GALNT18: variants seen among roughly 807,000 people sequenced by gnomAD.
The protein encoded by GALNT18 is polypeptide N-acetylgalactosaminyltransferase 18.
GALNT18 carries 44 observed loss-of-function variants against 69.5 expected under a neutral mutation model. That is an observed-to-expected ratio of 0.63 (90% CI 0.50 to 0.81). GALNT18 has a LOEUF of 0.81. Among genes scored for constraint, GALNT18 ranks in the 40% least tolerant of loss-of-function variants. The pLI is 0.00. For missense variants in GALNT18, 715 were observed against 810.0 expected, an observed-to-expected ratio of 0.88 and a Z score of 1.42; for synonymous variants, 364 against 318.2, an observed-to-expected ratio of 1.14 and a Z score of -1.53.
chr11:11,341,034 G>C lies in GALNT18; in HGVS notation c.1093-30C>G. On this transcript the variant is annotated intron_variant, in intron 6 of 10. Coordinates refer to ENST00000227756, the MANE Select transcript of GALNT18 (RefSeq NM_198516.3). The surrounding 1 kb of genome is among the most constrained non-coding windows in gnomAD (Gnocchi z 6.3). ...AGAAGACATGGAGCCACTTGTCAGA[G>C]CCTGCCTGGCTCTGCCTTTCTACAC... The C allele has an allele frequency of 6.4e-7, 1 of 1,563,624 alleles. No homozygotes were observed.
At position 11,587,125 on chromosome 11, in the gene GALNT18, A is replaced by T. The variant is rs1211088523; in HGVS notation, c.235+34234T>A. ...CCCCAGTATCCAAACCTTCCCCAAG[A>T]GCCAGCCACAAAACAGTTACTGCCT... On this transcript the variant is annotated intron_variant, in intron 1 of 10. Transcript: ENST00000227756. This position sits in a 1 kb window ranked among gnomAD's most constrained non-coding sequence, Gnocchi z 4.4. Among the ~76,000 whole-genome samples the T allele has an allele frequency of 6.6e-6, 1 of 152,332 alleles. No homozygotes were observed. The highest frequency in any genetic ancestry group is 6.5e-5 in the Admixed American group (1 of 15,298).
At chr11:11,456,533 T>G (rs1855928567) in intron 1 of GALNT18, among the ~76,000 whole-genome samples, 2 of 152,220 alleles carry the variant, frequency 1.3e-5, no homozygotes, top group Admixed American at 1.3e-4. Context: ...CTTGGAATGC[T>G]CCAGTTCTTT....
At chr11:11,371,516 A>T (rs1850903598) in intron 6 of GALNT18, among the ~76,000 whole-genome samples, 1 of 152,190 alleles carries the variant, frequency 6.6e-6, no homozygotes, top group Non-Finnish European at 1.5e-5. Context: ...GAGGTGGAGC[A>T]TCTCAGATAA....
rs1849795974 is a variant in GALNT18, at chr11:11,318,781, G to T, written c.1512+8305C>A. 6.6e-6 allele frequency among the ~76,000 whole-genome samples: 1 copy of T among 152,270 alleles called. No homozygotes were observed. Among genetic ancestry groups the T allele is most frequent in the East Asian group, 1.9e-4 (1 of 5,186 alleles). On this transcript the variant is annotated intron_variant, in intron 9 of 10. Transcript: ENST00000227756. This position sits in a 1 kb window ranked among gnomAD's most constrained non-coding sequence, Gnocchi z 5.1. Reference sequence around the variant, plus strand: ...CCTAGAAATAAGGCAAAAACAAAGAGGGGAAGTGGCCTGTCCTTTTAATAT... The same window carrying T: ...CCTAGAAATAAGGCAAAAACAAAGATGGGAAGTGGCCTGTCCTTTTAATAT...
chr11:11,327,601 G>A (rs1445484850), intron 8 of GALNT18, among the ~76,000 whole-genome samples: 2 of 152,202 alleles, frequency 1.3e-5, no homozygotes, highest in African/African-American at 2.4e-5. Context: ...GGGACCAGAC[G>A]CTCTCTGCCT....
chr11:11,468,753 T>A (rs1166024945), intron 1 of GALNT18, among the ~76,000 whole-genome samples: 1 of 152,118 alleles, frequency 6.6e-6, no homozygotes, highest in African/African-American at 2.4e-5. Context: ...GGTCTACCAC[T>A]CCACTTCAAG....
intron 1 of GALNT18, among the ~76,000 whole-genome samples, chr11:11,499,586 TC>T (rs1251125201): frequency 1.3e-5 from 2 of 152,148 alleles, no homozygotes; most frequent in South Asian, 4.1e-4. Flanking sequence ...GCTATCTGTG[TC>T]CCCGTCCCCT....
intron 9 of GALNT18, among the ~76,000 whole-genome samples, chr11:11,300,813 A>G (rs1849481469): frequency 6.6e-6 from 1 of 152,336 alleles, no homozygotes. Context: ...TTTAAAACCT[A>G]TAAACCACAG....
chr11:11,420,975 C>A (rs1854992441), intron 3 of GALNT18, among the ~76,000 whole-genome samples: 1 of 152,102 alleles, frequency 6.6e-6, no homozygotes, highest in Admixed American at 6.5e-5. Context: ...GTCACCTTGG[C>A]TAGTCCGTAA....
rs941104183 is a variant in GALNT18, at chr11:11,596,316, A to T, written c.235+25043T>A. Among the ~76,000 whole-genome samples the T allele has an allele frequency of 6.6e-6, 1 of 152,178 alleles. No homozygotes were observed. The highest frequency in any genetic ancestry group is 2.4e-5 in the African/African-American group (1 of 41,452). On this transcript the variant is annotated intron_variant, in intron 1 of 10. Coordinates refer to ENST00000227756, the MANE Select transcript of GALNT18 (RefSeq NM_198516.3). The surrounding 1 kb of genome is among the most constrained non-coding windows in gnomAD (Gnocchi z 4.2). ...CACAGTACATTTTCAGATCAAAAAA[A>T]TGTGAGTTGTCCATTTTGTTTTTGT...
In GALNT18 at chr11:11,378,355, GC is replaced by G. The variant is rs1397148333; in HGVS notation, c.779+725del. The stretch of plus-strand genomic sequence containing the variant: ...AAAGGGTGGCCACCTACTTGCCCCA[GC>G]TACTTATGGTCATTGCCAGAGCCTG... On this transcript the variant is annotated intron_variant, in intron 4 of 10. Coordinates refer to ENST00000227756, the MANE Select transcript of GALNT18 (RefSeq NM_198516.3). 9.8e-5 allele frequency among the ~76,000 whole-genome samples: 15 copies of G among 152,304 alleles called. No homozygotes were observed. In the East Asian group the frequency reaches 2.3e-3, roughly 24 times the overall value.
intron 1 of GALNT18, among the ~76,000 whole-genome samples, chr11:11,479,373 T>G (rs187677781): frequency 2.0e-5 from 3 of 152,298 alleles, no homozygotes; most frequent in African/African-American, 4.8e-5. Context: ...ATAGAAAATA[T>G]AAGGCAGCCA....
intron 3 of GALNT18, among the ~76,000 whole-genome samples, chr11:11,398,053 C>A (rs1486785917): frequency 3.3e-5 from 5 of 152,182 alleles, no homozygotes; most frequent in Admixed American, 2.6e-4. Context: ...CTGAAGTGCT[C>A]CACACATTAT....
Position 11,621,564 on chromosome 11 carries a change from C to G in GALNT18, c.30G>C (p.Leu10Phe), listed in dbSNP as rs1590147503. The G allele has an allele frequency of 1.2e-6, 2 of 1,611,060 alleles. No homozygotes were observed. The highest frequency in any genetic ancestry group is 1.3e-5 in the African/African-American group (1 of 74,856). MVCTRKTKT[L>F]VSTCVILSGM... ...CGCTCAGGATCACGCAAGTGGACAC[C>G]AAAGTTTTGGTCTTCCTGGTGCACA... The change falls in exon 1 of 11, where the codon TTG becomes TTC. Residue 10 changes from leucine to phenylalanine, a missense_variant. Coordinates refer to ENST00000227756, the MANE Select transcript of GALNT18 (RefSeq NM_198516.3). This position sits in a 1 kb window ranked among gnomAD's most constrained non-coding sequence, Gnocchi z 9.3.
chr11:11,424,983 G>A, intron 3 of GALNT18, among the ~76,000 whole-genome samples: 1 of 152,130 alleles, frequency 6.6e-6, no homozygotes, highest in East Asian at 1.9e-4. Flanking sequence ...GGGAGGATGT[G>A]GTCTTCTGTG....
intron 9 of GALNT18, among the ~76,000 whole-genome samples, chr11:11,298,088 G>T (rs1394332883): frequency 2.0e-5 from 3 of 152,196 alleles, no homozygotes; most frequent in Non-Finnish European, 2.9e-5. Context: ...ACGTCCCCCA[G>T]GGCCGGAGGT....
chr11:11,403,763 AACT>A (rs1009682816), intron 3 of GALNT18, among the ~76,000 whole-genome samples: 9 of 152,260 alleles, frequency 5.9e-5, no homozygotes, highest in East Asian at 1.9e-4. Flanking sequence ...GAACTCTGCT[AACT>A]GCTGTGCCAA....
intron 3 of GALNT18, among the ~76,000 whole-genome samples, chr11:11,385,187 C>T (rs1378612637): frequency 1.3e-5 from 2 of 152,052 alleles, no homozygotes; most frequent in African/African-American, 2.4e-5. Context: ...AGAGGGAAAA[C>T]TCACTCATTC....
At position 11,621,670 on chromosome 11, in the gene GALNT18, C is replaced by A; in HGVS notation, c.-77G>T. 1.8e-6 allele frequency: 2 copies of A among 1,118,072 alleles called. No individual in the cohort carries two copies. Among genetic ancestry groups the A allele is most frequent in the Non-Finnish European group, 1.3e-6 (1 of 770,760 alleles). The allele number at this position is 1,118,072 out of a possible 1,614,324, so 69.3% of individuals were successfully genotyped here. A position where few individuals can be genotyped will look rare whatever the true frequency, so the allele number is the denominator to read the frequency against. On this transcript the variant is annotated 5_prime_UTR_variant, in exon 1 of 11. Transcript: ENST00000227756. The surrounding 1 kb of genome is among the most constrained non-coding windows in gnomAD (Gnocchi z 9.3). ...GCCCCGAACTCCCCCGCGCTCGCAC[C>A]CCGTAGCACGTCCGGAGCCGCTGGG...
Sources: gnomAD v4.1 joint callset for allele counts (sites outside exome capture counted in the v4.1 genomes callset) on GRCh38, gnomAD v4.1.1 for gene constraint, Gnocchi (gnomAD v3.1) non-coding constraint, MANE v1.5 for transcripts, NCBI Gene and HGNC (gene_info 2026-07-23, HGNC 2026-07-21) for gene names.